The following CELF4 variants were observed in gnomAD, a reference collection of about 807,000 sequenced individuals.
The protein encoded by CELF4 is CUG-BP- and ETR-3-like factor 4.
A neutral mutation model predicts 59.9 loss-of-function variants in CELF4; 18 were observed. That is an observed-to-expected ratio of 0.30 (90% CI 0.21 to 0.45). The LOEUF is 0.45. CELF4 is among the 20% of genes least tolerant of loss of function. The probability of loss-of-function intolerance (pLI) is 1.00; values close to 1 mark genes in which losing one functional copy is unlikely to be tolerated. For synonymous variants in CELF4, 261 were observed against 267.1 expected, an observed-to-expected ratio of 0.98 and a Z score of 0.22; for missense variants, 456 against 689.0, an observed-to-expected ratio of 0.66 and a Z score of 3.79.
chr18:37,526,843 G>C (rs1168326542), intron 1 of CELF4, among the ~76,000 whole-genome samples: 1 of 149,740 alleles, frequency 6.7e-6, no homozygotes, highest in East Asian at 2.0e-4. Flanking sequence ...TGGGCTGTGG[G>C]ACCTTGGGTA....
At chr18:37,353,057 T>TA (rs370168172) in intron 2 of CELF4, among the ~76,000 whole-genome samples, 1 of 151,640 alleles carries the variant, frequency 6.6e-6, no homozygotes, top group Non-Finnish European at 1.5e-5. Flanking sequence ...CTGTCTCTAC[T>TA]AAAAATACAA....
At position 37,274,469 on chromosome 18, in the gene CELF4, G is replaced by A. The variant is rs779557886; in HGVS notation, c.658-15C>T. 3.1e-6 allele frequency: 5 copies of A among 1,611,946 alleles called. No homozygotes were observed. The highest frequency in any genetic ancestry group is 3.3e-5 in the Admixed American group (2 of 59,992). ...GACGAGGCTCCCTGCGGCCGGGGCG[G>A]CGCGTGAGACCCACCTGCTCCAGAG... On this transcript the variant is annotated splice_polypyrimidine_tract_variant and intron_variant, in intron 5 of 12. Transcript: ENST00000420428.
intron 2 of CELF4, among the ~76,000 whole-genome samples, chr18:37,461,213 C>T (rs1358190238): frequency 1.3e-5 from 2 of 152,148 alleles, no homozygotes; most frequent in African/African-American, 2.4e-5. Flanking sequence ...AGGGTGGAGG[C>T]AGGGCTTGAG....
chr18:37,249,792 C>G (rs945321829), intron 12 of CELF4, among the ~76,000 whole-genome samples: 1 of 152,068 alleles, frequency 6.6e-6, no homozygotes, highest in Non-Finnish European at 1.5e-5. Flanking sequence ...GAAATTATGG[C>G]CAAGCTGAAC....
chr18:37,405,096 C>G (rs955819967), intron 2 of CELF4, among the ~76,000 whole-genome samples: 2 of 152,252 alleles, frequency 1.3e-5, no homozygotes, highest in Admixed American at 6.5e-5. Context: ...GCCCCAACCC[C>G]CCCCGTGTCC....
chr18:37,307,587 C>T (rs1400777771), intron 3 of CELF4, among the ~76,000 whole-genome samples: 1 of 151,998 alleles, frequency 6.6e-6, no homozygotes, highest in South Asian at 2.1e-4. Context: ...ACTGCCCACC[C>T]CATGCCTGTG....
chr18:37,495,120 A>T (rs905317164), intron 1 of CELF4, among the ~76,000 whole-genome samples: 2 of 152,194 alleles, frequency 1.3e-5, no homozygotes, highest in Non-Finnish European at 2.9e-5. Flanking sequence ...TAGAAACTGA[A>T]CTATGTTCCT....
At chr18:37,413,053 T>A (rs1365997606) in intron 2 of CELF4, among the ~76,000 whole-genome samples, 1 of 152,204 alleles carries the variant, frequency 6.6e-6, no homozygotes, top group Non-Finnish European at 1.5e-5. Flanking sequence ...TCTTCAATCA[T>A]GCCTTTCCAG....
intron 2 of CELF4, among the ~76,000 whole-genome samples, chr18:37,390,802 C>CGGAGGGGG (rs139992661): frequency 1.7e-5 from 1 of 57,842 alleles, no homozygotes; most frequent in Admixed American, 1.8e-4. Context: ...GGTGATGGGG[C>CGGAGGGGG]GGGGAGGGGG....
At chr18:37,379,020 C>T (rs2099004926) in intron 2 of CELF4, among the ~76,000 whole-genome samples, 1 of 152,204 alleles carries the variant, frequency 6.6e-6, no homozygotes, top group Admixed American at 6.5e-5. Flanking sequence ...CTGTGTCTGA[C>T]CATGCTGCTG....
intron 2 of CELF4, among the ~76,000 whole-genome samples, chr18:37,426,077 C>T (rs2099610356): frequency 6.6e-6 from 1 of 152,220 alleles, no homozygotes. Context: ...TCAATGTAGT[C>T]CCAACTCTGG....
intron 2 of CELF4, among the ~76,000 whole-genome samples, chr18:37,350,923 G>A (rs911134715): frequency 1.3e-5 from 2 of 152,144 alleles, no homozygotes; most frequent in Non-Finnish European, 2.9e-5. Context: ...CTCTGGCCTG[G>A]GCCAGTCTTG....
intron 3 of CELF4, among the ~76,000 whole-genome samples, chr18:37,301,230 C>T (rs2096010737): frequency 6.6e-6 from 1 of 152,170 alleles, no homozygotes; most frequent in African/African-American, 2.4e-5. Context: ...GAGAGGATGT[C>T]AGTGTGACTG....
intron 2 of CELF4, among the ~76,000 whole-genome samples, chr18:37,359,677 T>C (rs1324130359): frequency 6.6e-6 from 1 of 152,184 alleles, no homozygotes; most frequent in Non-Finnish European, 1.5e-5. Flanking sequence ...GCCTCCTAAG[T>C]AGCTGGGACT....
intron 2 of CELF4, among the ~76,000 whole-genome samples, chr18:37,352,476 C>A (rs1419455967): frequency 6.6e-6 from 1 of 151,874 alleles, no homozygotes; most frequent in Non-Finnish European, 1.5e-5. Flanking sequence ...GACCCAGTCT[C>A]TATAAAAAAT....
chr18:37,422,663 T>C (rs1184610406), intron 2 of CELF4, among the ~76,000 whole-genome samples: 1 of 152,184 alleles, frequency 6.6e-6, no homozygotes, highest in South Asian at 2.1e-4. Flanking sequence ...CATGCATGCA[T>C]GTGCCAGCAC....
At chr18:37,312,315 G>T (rs2096704613) in intron 3 of CELF4, among the ~76,000 whole-genome samples, 1 of 152,042 alleles carries the variant, frequency 6.6e-6, no homozygotes, top group African/African-American at 2.4e-5. Context: ...GAGCAGCTGG[G>T]CCTGGCCAGT....
At chr18:37,271,256 T>TC in intron 7 of CELF4, among the ~76,000 whole-genome samples, 1 of 135,808 alleles carries the variant, frequency 7.4e-6, no homozygotes, top group African/African-American at 2.9e-5. Context: ...CTTCAGTCCT[T>TC]TTTTTTTTTT....
intron 2 of CELF4, among the ~76,000 whole-genome samples, chr18:37,482,823 T>C (rs1321641116): frequency 6.6e-6 from 1 of 152,232 alleles, no homozygotes; most frequent in Non-Finnish European, 1.5e-5. Flanking sequence ...AGAAACAGCA[T>C]AGACTGCCTG....
Sources: allele counts gnomAD v4.1 joint callset (sites outside exome capture counted in the v4.1 genomes callset), GRCh38; gene constraint gnomAD v4.1.1; transcripts MANE v1.5; gene names NCBI Gene and HGNC (gene_info 2026-07-23, HGNC 2026-07-21).